Variants in LRRC23 observed in about 807,000 individuals in gnomAD.
LRRC23 encodes the protein leucine rich repeat containing 23.
In LRRC23, 28 loss-of-function variants were observed where a neutral mutation model predicts 37.7. The observed-to-expected ratio is 0.74, with a 90% CI of 0.55 to 1.02. The LOEUF is 1.02. Among genes scored for constraint, LRRC23 ranks in the 50% least tolerant of loss-of-function variants. The probability of loss-of-function intolerance (pLI) is 0.00; values close to 1 mark genes in which losing one functional copy is unlikely to be tolerated. For synonymous variants in LRRC23, 161 were observed against 165.4 expected (o/e 0.97, Z 0.20); for missense variants, 377 against 413.2 (o/e 0.91, Z 0.76).
At chr12:6,906,890 A>G in intron 4 of LRRC23, 1 of 563,562 alleles carries the variant, frequency 1.8e-6, no homozygotes, top group Non-Finnish European at 3.1e-6. Flanking sequence ...GGGAGAGACA[A>G]ACAAGTAACA....
Position 6,906,519 on chromosome 12 carries a change from T to C in LRRC23, c.347T>C (p.Leu116Pro). The change falls in exon 4 of 8, where the codon CTC becomes CCC. Residue 116 changes from leucine (L) to proline (P), a missense_variant. By Grantham distance (98) the Leu-to-Pro change is moderately conservative. This residue lies in a region of LRRC23 where 266 missense variants were observed against 285.6 expected (regional missense o/e 0.93). Transcript: ENST00000443597. ...CCACTCAACTACCTCACCCACCTGC[T>C]CTGGCTCAAGGCTGATGGCAATCGG... The part of the protein sequence containing the change: ...LSPLNYLTHL[L>P]WLKADGNRLR... 1 of 1,614,208 alleles carries C rather than the reference T, an allele frequency of 6.2e-7. No homozygotes were observed. The highest frequency in any genetic ancestry group is 1.1e-5 in the South Asian group (1 of 91,086).
chr12:6,912,542 G>A (rs1242897389), intron 6 of LRRC23, among the ~76,000 whole-genome samples, 188 bp from the exon 7 acceptor site: 4 of 152,104 alleles, frequency 2.6e-5, no homozygotes, highest in African/African-American at 9.7e-5. Context: ...TTCCTTGAAG[G>A]GCAGAAGCAG....
In LRRC23 at chr12:6,905,948, AAGAG is replaced by A. The variant is rs781905537; in HGVS notation, c.233_236del (p.Glu78GlyfsTer3). The A allele has an allele frequency of 6.2e-7, 1 of 1,613,798 alleles. No individual in the cohort carries two copies. Among genetic ancestry groups the A allele is most frequent in the Non-Finnish European group, 8.5e-7 (1 of 1,179,864 alleles). Reference sequence around the variant, plus strand: ...CATGCTTATGTCAAGCTGGAGGTTAAAGAGAGGTGCGTTTTGGGGGGACCAGATG... The same window carrying A: ...CATGCTTATGTCAAGCTGGAGGTTAAAGGTGCGTTTTGGGGGGACCAGATG... On this transcript the variant is annotated frameshift_variant and splice_region_variant, in exon 3 of 8. Coordinates refer to ENST00000443597, the MANE Select transcript of LRRC23 (RefSeq NM_001135217.2). LOFTEE classifies it high-confidence loss of function.
chr12:6,912,852 TG>T lies in LRRC23; in HGVS notation c.882del (p.Gln295ArgfsTer23). 6.2e-7 allele frequency: 1 copy of T among 1,614,052 alleles called. No individual in the cohort carries two copies. Among genetic ancestry groups the T allele is most frequent in the Non-Finnish European group, 8.5e-7 (1 of 1,180,020 alleles). On this transcript the variant is annotated frameshift_variant, in exon 7 of 8. Transcript: ENST00000443597. LOFTEE classifies it high-confidence loss of function. ...ACCAGCTACCGCCAGGAGGCCCTGG[TG>T]CAGATGCCATACCTTGAACGCCTGG... ...DETSYRQEAL[V>X]QMPYLERLDK...
Position 6,905,912 on chromosome 12 carries a change from A to G in LRRC23, c.194A>G (p.Asn65Ser), listed in dbSNP as rs369503656. Reference sequence around the variant, plus strand: ...CTTTCTCTGCTCTGTAAGACAGGCAATGGGCTGGCTCATGCTTATGTCAAG... The same window carrying G: ...CTTTCTCTGCTCTGTAAGACAGGCAGTGGGCTGGCTCATGCTTATGTCAAG... ...EGLSLLCKTG[N>S]GLAHAYVKLE... Residue 65 changes from asparagine (N) to serine (S), a missense_variant, in exon 3 of 8, where the codon AAT becomes AGT. Transcript: ENST00000443597. The G allele has an allele frequency of 8.7e-6, 14 of 1,613,846 alleles. No homozygotes were observed. The African/African-American group carries it at 1.1e-4, about 12-fold the overall frequency.
intron 6 of LRRC23, among the ~76,000 whole-genome samples, chr12:6,910,259 C>G (rs1945127264): frequency 6.6e-6 from 1 of 152,098 alleles, no homozygotes; most frequent in African/African-American, 2.4e-5. Flanking sequence ...GTGCTATGTG[C>G]CAGGCCTTGT....
In LRRC23 at chr12:6,914,048, TG is replaced by T. The variant is rs782537021; in HGVS notation, c.*186del. 6.2e-7 allele frequency: 1 copy of T among 1,601,240 alleles called. No homozygotes were observed. Among genetic ancestry groups the T allele is most frequent in the Non-Finnish European group, 8.5e-7 (1 of 1,174,690 alleles). ...CTCTGTGCCGGTCCTCTGGGCAGTG[TG>T]GGGTGCAGAATGGGGTGCCTAGGCC... On this transcript the variant is annotated 3_prime_UTR_variant, in exon 8 of 8. Transcript: ENST00000443597. The surrounding 1 kb of genome is among the most constrained non-coding windows in gnomAD (Gnocchi z 7.1).
Position 6,906,676 on chromosome 12 carries a change from A to T in LRRC23, c.490+14A>T. On this transcript the variant is annotated intron_variant, in intron 4 of 7. Coordinates refer to ENST00000443597, the MANE Select transcript of LRRC23 (RefSeq NM_001135217.2). ...TGAATCTCAAAGGTGGGTCTTTAGG[A>T]TGGGCTACACAAGATTCTTTCCTTC... 18 of 1,612,688 alleles carry T rather than the reference A, an allele frequency of 1.1e-5. No individual in the cohort carries two copies. The highest frequency in any genetic ancestry group is 1.5e-5 in the Non-Finnish European group (18 of 1,179,152).
intron 6 of LRRC23, among the ~76,000 whole-genome samples, chr12:6,911,748 C>T (rs1555140778): frequency 6.6e-6 from 1 of 152,210 alleles, no homozygotes; most frequent in Non-Finnish European, 1.5e-5. Flanking sequence ...TGGCTCACGC[C>T]TGTAATCCCA....
In LRRC23 at chr12:6,906,048, G is replaced by T. The variant is rs899958926; in HGVS notation, c.236+94G>T. The T allele has an allele frequency of 2.7e-5, 30 of 1,125,622 alleles. No homozygotes were observed. The South Asian group carries it at 3.6e-4, about 13-fold the overall frequency. The allele number at this position is 1,125,622 out of a possible 1,614,324, so 69.7% of individuals were successfully genotyped here. A position where few individuals can be genotyped will look rare whatever the true frequency, so the allele number is the denominator to read the frequency against. ...TCCTGGGTGTTCTGGTTGAGAGTTT[G>T]ACTCTTCTCATGCCTAGTGGAAAGG... On this transcript the variant is annotated intron_variant, in intron 3 of 7. Transcript: ENST00000443597.
At position 6,909,957 on chromosome 12, in the gene LRRC23, G is replaced by T. The variant is rs782603047; in HGVS notation, c.689G>T (p.Arg230Leu). ...DLSNLTTLHL[R>L]DNQIDTLSGF... ...AGCAATCTCACCACCTTGCATCTTCGAGACAACCAGATTGACACCCTGAGT... is the reference window on the plus strand; with the variant it reads ...AGCAATCTCACCACCTTGCATCTTCTAGACAACCAGATTGACACCCTGAGT... Residue 230 changes from arginine to leucine, a missense_variant, in exon 6 of 8, where the codon CGA becomes CTA. Coordinates refer to ENST00000443597, the MANE Select transcript of LRRC23 (RefSeq NM_001135217.2). The T allele has an allele frequency of 6.2e-7, 1 of 1,613,760 alleles. No individual in the cohort carries two copies. Among genetic ancestry groups the T allele is most frequent in the South Asian group, 1.1e-5 (1 of 91,066 alleles).
At chr12:6,908,089 G>A (rs782077188) in intron 5 of LRRC23, among the ~76,000 whole-genome samples, 5 of 152,032 alleles carry the variant, frequency 3.3e-5, no homozygotes, top group Non-Finnish European at 5.9e-5. Flanking sequence ...CAAGGGCAAA[G>A]GATACAGATG....
intron 6 of LRRC23, among the ~76,000 whole-genome samples, chr12:6,910,983 T>C (rs1441742172): frequency 3.3e-5 from 5 of 152,096 alleles, no homozygotes; most frequent in Non-Finnish European, 2.9e-5. Flanking sequence ...CAACTCTTTT[T>C]TCCTCACCCT....
intron 6 of LRRC23, among the ~76,000 whole-genome samples, chr12:6,911,163 C>G (rs1329695309): frequency 2.0e-5 from 3 of 152,114 alleles, no homozygotes; most frequent in African/African-American, 7.2e-5. Context: ...GTAAGAAAAT[C>G]TTTTGGTAGA....
In LRRC23 at chr12:6,913,887, C is replaced by A; in HGVS notation, c.*25-4C>A. The A allele has an allele frequency of 6.3e-7, 1 of 1,582,640 alleles. No homozygotes were observed. The highest frequency in any genetic ancestry group is 8.6e-7 in the Non-Finnish European group (1 of 1,165,682). Reference sequence around the variant, plus strand: ...CCCTATTTACTTCTGTCTTCTACCTCCAGGAGATCAAAGACGCTGGCCTTC... The same window carrying A: ...CCCTATTTACTTCTGTCTTCTACCTACAGGAGATCAAAGACGCTGGCCTTC... On this transcript the variant is annotated splice_region_variant and splice_polypyrimidine_tract_variant and intron_variant, in intron 7 of 7. Coordinates refer to ENST00000443597, the MANE Select transcript of LRRC23 (RefSeq NM_001135217.2).
chr12:6,910,430 C>G (rs963444541), intron 6 of LRRC23, among the ~76,000 whole-genome samples: 10 of 151,922 alleles, frequency 6.6e-5, no homozygotes, highest in Admixed American at 3.9e-4. Context: ...AAATAATGGC[C>G]CGGCATGGTG....
chr12:6,906,811 A>T, intron 4 of LRRC23, 149 bp downstream of exon 4: 1 of 869,296 alleles, frequency 1.2e-6, no homozygotes, highest in Non-Finnish European at 1.8e-6. Flanking sequence ...TGACAGTTCT[A>T]CATGCTAACC....
At chr12:6,909,165 AAATATATAATATATAATTATATAT>A (rs1945058469) in intron 5 of LRRC23, among the ~76,000 whole-genome samples, 8 of 586 alleles carry the variant, frequency 0.014, 2 homozygotes, top group African/African-American at 0.028. Flanking sequence ...ATTATATATA[AAATATATAATATATAATTATATAT>A]TATATATAAT....
chr12:6,909,038 T>TA (rs1358997260), intron 5 of LRRC23, among the ~76,000 whole-genome samples: 2 of 92,708 alleles, frequency 2.2e-5, no homozygotes, highest in Admixed American at 1.9e-4. Context: ...ATATATTATA[T>TA]ATTATATAAT....
Sources: allele counts gnomAD v4.1 joint callset (sites outside exome capture counted in the v4.1 genomes callset), GRCh38; gene constraint gnomAD v4.1.1; regional missense constraint gnomAD v4.1.1; non-coding constraint Gnocchi (gnomAD v3.1); transcripts MANE v1.5; gene names NCBI Gene and HGNC (gene_info 2026-07-23, HGNC 2026-07-21).